Variants in MAPK6 observed in about 807,000 individuals in gnomAD.
The protein encoded by MAPK6 is ERK-3.
MAPK6 carries 19 observed loss-of-function variants against 59.3 expected under a neutral mutation model. That is an observed-to-expected ratio of 0.32 (90% CI 0.22 to 0.47). MAPK6 has a LOEUF of 0.47. MAPK6 is among the 20% of genes least tolerant of loss of function. The pLI is 1.00. For missense variants in MAPK6, 724 were observed against 847.9 expected (o/e 0.85, Z 1.81); for synonymous variants, 316 against 290.3 (o/e 1.09, Z -0.90).
chr15:51,977,922 C>T (rs2057161939), intron 1 of MAPK6, among the ~76,000 whole-genome samples: 1 of 151,744 alleles, frequency 6.6e-6, no homozygotes, highest in Non-Finnish European at 1.5e-5. Context: ...CTCAGAGTAA[C>T]CAGGAGACCA....
At chr15:52,030,461 A>G (rs993870614) in intron 1 of MAPK6, among the ~76,000 whole-genome samples, 3 of 152,108 alleles carry the variant, frequency 2.0e-5, no homozygotes, top group East Asian at 1.9e-4. Context: ...TACCCAGTGT[A>G]ACGTGATTCT....
At chr15:52,019,635 C>T (rs1327370319) in intron 1 of MAPK6, among the ~76,000 whole-genome samples, 1 of 146,280 alleles carries the variant, frequency 6.8e-6, no homozygotes, top group Admixed American at 6.8e-5. Flanking sequence ...GGGCTGGGGT[C>T]CCCGCGTGGG....
rs2032442016 is a variant in MAPK6 at position 52,067,036 on chromosome 15, C to G, written c.*2036C>G. The G allele has an allele frequency of 6.6e-6, 1 of 152,106 alleles. No homozygotes were observed. The highest frequency in any genetic ancestry group is 1.5e-5 in the Non-Finnish European group (1 of 68,022). The allele number at this position is 152,106 out of a possible 1,614,324, so 9.4% of individuals were successfully genotyped here. ...CGGGCAGCAGACATTGGTCCCTGAT[C>G]CTCCATTATAACCAATTTTTTGCAA... is the stretch of plus-strand genomic sequence containing the variant. On this transcript the variant is annotated 3_prime_UTR_variant, in exon 6 of 6. Coordinates refer to ENST00000261845, the MANE Select transcript of MAPK6 (RefSeq NM_002748.4).
intron 2 of MAPK6, among the ~76,000 whole-genome samples, chr15:52,047,507 A>C (rs1303534620): frequency 6.6e-6 from 1 of 151,978 alleles, no homozygotes. Context: ...CATCATGCCC[A>C]GCTAATTTTT....
At chr15:52,043,332 C>T (rs978571533) in intron 1 of MAPK6, among the ~76,000 whole-genome samples, 4 of 152,022 alleles carry the variant, frequency 2.6e-5, no homozygotes, top group Non-Finnish European at 5.9e-5. Context: ...GAATCTTGCT[C>T]TTTTGCCCAG....
At chr15:51,989,853 C>T (rs1282629404) in intron 2 of MAPK6, among the ~76,000 whole-genome samples, 5 of 152,216 alleles carry the variant, frequency 3.3e-5, no homozygotes, top group African/African-American at 1.2e-4. Flanking sequence ...ATCCTCCCAC[C>T]TCAGCTTCCT....
intron 5 of MAPK6, among the ~76,000 whole-genome samples, chr15:52,062,056 T>G (rs1466515593): frequency 6.6e-6 from 1 of 151,740 alleles, no homozygotes; most frequent in Non-Finnish European, 1.5e-5. Context: ...TTGATTCATA[T>G]TAGATGCAGG....
intron 2 of MAPK6, among the ~76,000 whole-genome samples, chr15:51,986,847 T>C (rs865866692): frequency 6.6e-6 from 1 of 152,312 alleles, no homozygotes; most frequent in South Asian, 2.1e-4. Flanking sequence ...GCCCAGACTA[T>C]TATGACAGCC....
chr15:52,020,727 A>G (rs1325456759), intron 1 of MAPK6, among the ~76,000 whole-genome samples: 1 of 152,282 alleles, frequency 6.6e-6, no homozygotes. Flanking sequence ...TGTTTAAAAA[A>G]TAATTTTGAA....
chr15:51,982,142 A>G (rs2057176177), intron 1 of MAPK6, among the ~76,000 whole-genome samples: 1 of 152,226 alleles, frequency 6.6e-6, no homozygotes, highest in South Asian at 2.1e-4. Context: ...ATCCGGCTCA[A>G]ACACAAAGCA....
At chr15:52,032,577 AG>A (rs147470096) in intron 1 of MAPK6, among the ~76,000 whole-genome samples, 232 of 152,116 alleles carry the variant, frequency 1.5e-3, no homozygotes, top group African/African-American at 5.5e-3. Flanking sequence ...ATCTGGGGTT[AG>A]TTACATTTGG....
rs35669914 is a variant in MAPK6 at position 52,054,729 on chromosome 15, TAC to T, written c.701-3884_701-3883del. ...GGTAAAGTGTACATACATATATCTATACACACACACACACACACACATATACA... is the reference window on the plus strand; with the variant it reads ...GGTAAAGTGTACATACATATATCTATACACACACACACACACACATATACA... On this transcript the variant is annotated intron_variant, in intron 3 of 5. Transcript: ENST00000261845. 2.7e-3 allele frequency among the ~76,000 whole-genome samples: 395 copies of T among 147,122 alleles called. 2 individuals are homozygous for T. Among genetic ancestry groups the T allele is most frequent in the African/African-American group, 7.3e-3 (289 of 39,774 alleles).
intron 2 of MAPK6, among the ~76,000 whole-genome samples, chr15:52,048,550 A>G (rs2031669297): frequency 6.6e-6 from 1 of 152,142 alleles, no homozygotes; most frequent in Non-Finnish European, 1.5e-5. Context: ...GGAGGTTGCA[A>G]AGAGCTGAGA....
chr15:52,051,349 A>C (rs748631318), intron 3 of MAPK6, among the ~76,000 whole-genome samples: 2 of 151,446 alleles, frequency 1.3e-5, no homozygotes, highest in Non-Finnish European at 2.9e-5. Context: ...GAGCCACCCC[A>C]CCAGGCCCTC....
In MAPK6 at chr15:52,008,036, G is replaced by A. The variant is rs530213261; in HGVS notation, c.-632+3634G>A. ...TAATTTTTGTATTTTCAGTAGAGAC[G>A]GGGTTTCACCATTTTGGGCAAGCTG... is the stretch of plus-strand genomic sequence containing the variant. On this transcript the variant is annotated intron_variant, in intron 3 of 7. Transcript: ENST00000691380. Among the ~76,000 whole-genome samples, 6 of 151,958 alleles carry A rather than the reference G, an allele frequency of 3.9e-5. No homozygotes were observed. In the East Asian group the frequency reaches 7.7e-4, roughly 20 times the overall value.
chr15:51,997,885 C>A (rs1450947431), intron 2 of MAPK6, among the ~76,000 whole-genome samples: 1 of 151,142 alleles, frequency 6.6e-6, no homozygotes, highest in Non-Finnish European at 1.5e-5. Context: ...AGTCACCACG[C>A]CCGGCCTTTA....
Position 52,066,633 on chromosome 15 carries a change from C to G in MAPK6, c.*1633C>G, listed in dbSNP as rs1481621938. The G allele has an allele frequency of 6.6e-6, 1 of 151,986 alleles. No homozygotes were observed. Among genetic ancestry groups the G allele is most frequent in the East Asian group, 1.9e-4 (1 of 5,192 alleles). 9.4% of individuals were successfully genotyped at this position (151,986 alleles called of 1,614,324 possible). Reference sequence around the variant, plus strand: ...ATTAATATCTGCCCACCTACCTTCTCAACAACTCCATCCTCTTCACCTCAC... The same window carrying G: ...ATTAATATCTGCCCACCTACCTTCTGAACAACTCCATCCTCTTCACCTCAC... On this transcript the variant is annotated 3_prime_UTR_variant, in exon 6 of 6. Transcript: ENST00000261845.
At chr15:51,991,037 A>C (rs1595959697) in intron 2 of MAPK6, among the ~76,000 whole-genome samples, 1 of 152,136 alleles carries the variant, frequency 6.6e-6, no homozygotes, top group East Asian at 1.9e-4. Context: ...CTGAGGTAGG[A>C]GAATCACTTG....
chr15:52,006,239 T>C (rs1049905947), intron 3 of MAPK6, among the ~76,000 whole-genome samples: 9 of 152,204 alleles, frequency 5.9e-5, no homozygotes, highest in Non-Finnish European at 1.3e-4. Flanking sequence ...AAGCATTATT[T>C]TGTCTTACAT....
Sources: allele counts gnomAD v4.1 joint callset (sites outside exome capture counted in the v4.1 genomes callset), GRCh38; gene constraint gnomAD v4.1.1; transcripts MANE v1.5; gene names NCBI Gene and HGNC (gene_info 2026-07-23, HGNC 2026-07-21).